Variants in HMMR observed in about 807,000 individuals in gnomAD.
HMMR encodes the protein intracellular hyaluronic acid-binding protein.
Under a neutral mutation model 101.0 loss-of-function variants are expected in HMMR, and 108 were observed. The ratio of observed to expected loss-of-function variants is 1.07; its 90% CI spans 0.92 to 1.25. HMMR has a LOEUF of 1.25. Ranked by LOEUF, HMMR falls within the 50% of genes most tolerant of loss-of-function variation. The probability of loss-of-function intolerance (pLI) is 0.00; values close to 1 mark genes in which losing one functional copy is unlikely to be tolerated. For synonymous variants in HMMR, 296 were observed against 276.4 expected (o/e 1.07, Z -0.70); for missense variants, 813 against 788.7 (o/e 1.03, Z -0.37).
At chr5:163,490,625 C>A in intron 17 of HMMR, 73 bp downstream of exon 17, 1 of 1,153,424 alleles carries the variant, frequency 8.7e-7, no homozygotes, top group Non-Finnish European at 1.3e-6. Context: ...GCAAGTCATC[C>A]ATTTTATGAA....
chr5:163,490,855 A>G, intron 17 of HMMR, among the ~76,000 whole-genome samples: 1 of 152,210 alleles, frequency 6.6e-6, no homozygotes, highest in East Asian at 1.9e-4. Context: ...TTAGCATTTT[A>G]ACCTAAATGT....
At chr5:163,464,337 C>T (rs975548662) in intron 2 of HMMR, among the ~76,000 whole-genome samples, 1 of 152,042 alleles carries the variant, frequency 6.6e-6, no homozygotes, top group Non-Finnish European at 1.5e-5. Context: ...AATTTGGGGC[C>T]GGGCAAGGTG....
intron 11 of HMMR, among the ~76,000 whole-genome samples, chr5:163,476,244 G>A (rs542875640): frequency 9.9e-5 from 15 of 152,150 alleles, no homozygotes; most frequent in South Asian, 6.2e-4. Flanking sequence ...TTAAGCCCAC[G>A]AGATTAAGGC....
rs147532605 is a variant in HMMR at position 163,489,977 on chromosome 5, T to C, written c.1963-413T>C. Among the ~76,000 whole-genome samples, 838 of 152,324 alleles carry C rather than the reference T, an allele frequency of 5.5e-3. 4 individuals carry two copies. The highest frequency in any genetic ancestry group is 0.01 in the Middle Eastern group (3 of 294). Reference sequence around the variant, plus strand: ...CTCTTTTTCACCAAATTTTTGCAGATTTTCTTGAATAGATGTTTCTTCATT... The same window carrying C: ...CTCTTTTTCACCAAATTTTTGCAGACTTTCTTGAATAGATGTTTCTTCATT... On this transcript the variant is annotated intron_variant, in intron 16 of 17. Coordinates refer to ENST00000393915, the MANE Select transcript of HMMR (RefSeq NM_001142556.2).
chr5:163,491,056 T>C lies in HMMR; in HGVS notation c.2126-56T>C, dbSNP rs1450695175. ...AAGGCCTGTTTTTAGTTTATAATGATGGATAAATTCGTTTTAATCTAGATT... is the reference window on the plus strand; with the variant it reads ...AAGGCCTGTTTTTAGTTTATAATGACGGATAAATTCGTTTTAATCTAGATT... On this transcript the variant is annotated intron_variant, in intron 17 of 17. Coordinates refer to ENST00000393915, the MANE Select transcript of HMMR (RefSeq NM_001142556.2). The C allele has an allele frequency of 5.2e-6, 5 of 967,634 alleles. No homozygotes were observed. In the African/African-American group the frequency reaches 6.8e-5, roughly 13 times the overall value. The allele number at this position is 967,634 out of a possible 1,614,324, so 59.9% of individuals were successfully genotyped here.
intron 4 of HMMR, among the ~76,000 whole-genome samples, chr5:163,469,433 G>A (rs1020654104): frequency 6.6e-6 from 1 of 151,244 alleles, no homozygotes; most frequent in African/African-American, 2.4e-5. Flanking sequence ...GGCAACTAAA[G>A]TTCTTATGTT....
chr5:163,473,632 A>G (rs2113479315), intron 9 of HMMR, 75 bp downstream of exon 9: 1 of 853,958 alleles, frequency 1.2e-6, no homozygotes, highest in Non-Finnish European at 1.8e-6. Flanking sequence ...CTACTATGCT[A>G]AAACAACCTT....
intron 16 of HMMR, 128 bp downstream of exon 16, chr5:163,484,373 G>A: frequency 1.8e-6 from 1 of 549,904 alleles, no homozygotes; most frequent in Non-Finnish European, 3.2e-6. Context: ...AAATTGAGCT[G>A]TGATTTAGTG....
intron 1 of HMMR, 110 bp from the exon 2 acceptor site, chr5:163,463,746 G>T: frequency 4.4e-6 from 2 of 454,784 alleles, no homozygotes; most frequent in South Asian, 1.4e-4. Context: ...TTTAAAAAAA[G>T]CAGTTTGTTA....
At chr5:163,477,114 C>G (rs1276895130) in intron 11 of HMMR, among the ~76,000 whole-genome samples, 3 of 152,194 alleles carry the variant, frequency 2.0e-5, no homozygotes, top group Non-Finnish European at 4.4e-5. Context: ...TTCCTTCTCC[C>G]ATACACTTAT....
At position 163,464,751 on chromosome 5, in the gene HMMR, A is replaced by G. The variant is rs1331182055; in HGVS notation, c.174A>G (p.Lys58=). The stretch of plus-strand genomic sequence containing the variant: ...CTAAACAAAATCTTAATGTTGACAA[A>G]GATACTACCTTGCCTGCTTCAGCTA... ...KESKQNLNVD[K]DTTLPASARK... Residue 58 remains lysine (K), a synonymous_variant, in exon 3 of 18, where the codon AAA becomes AAG. Transcript: ENST00000393915. The G allele has an allele frequency of 5.0e-6, 8 of 1,612,786 alleles. No individual in the cohort carries two copies. The highest frequency in any genetic ancestry group is 2.7e-5 in the African/African-American group (2 of 74,910).
At position 163,471,449 on chromosome 5, in the gene HMMR, A is replaced by G. The variant is rs1319021409; in HGVS notation, c.636A>G (p.Gln212=). 6.2e-7 allele frequency: 1 copy of G among 1,610,544 alleles called. No individual in the cohort carries two copies. The highest frequency in any genetic ancestry group is 8.5e-7 in the Non-Finnish European group (1 of 1,176,854). ...SLEESQGKIA[Q]LEGKLVSIEK... is the part of the protein sequence containing the mutation. ...AAGAGTCTCAAGGGAAAATAGCCCA[A>G]CTGGAGGGAAAACTGTAAGTGAGTG... Residue 212 remains glutamine, a synonymous_variant, in exon 7 of 18, where the codon CAA becomes CAG. Transcript: ENST00000393915.
At chr5:163,471,587 A>G (rs1033046035) in intron 7 of HMMR, 124 bp downstream of exon 7, 1 of 624,334 alleles carries the variant, frequency 1.6e-6, no homozygotes. Context: ...GCCTCCCTCC[A>G]GTTGCCCTAT....
At chr5:163,472,903 A>G (rs184768169) in intron 7 of HMMR, among the ~76,000 whole-genome samples, 9 of 152,266 alleles carry the variant, frequency 5.9e-5, no homozygotes, top group Admixed American at 4.6e-4. Flanking sequence ...CACAAAAAGA[A>G]TATTATTTCT....
chr5:163,484,072 C>T lies in HMMR; in HGVS notation c.1789C>T (p.Gln597Ter). ...TTATTTAAAAAATCTTTTTCAGCTA[C>T]AACTAGATGCTTTTGAAGTAGAAAA... ...LYNKTKPFQLQLDAFEVEKQA... is the reference protein window; with the variant it reads ...LYNKTKPFQL Residue 597 changes from glutamine (Q) to a stop codon, truncating the protein, a stop_gained, in exon 16 of 18, where the codon CAA becomes TAA. Coordinates refer to ENST00000393915, the MANE Select transcript of HMMR (RefSeq NM_001142556.2). LOFTEE classifies it high-confidence loss of function. The T allele has an allele frequency of 6.3e-7, 1 of 1,577,022 alleles. No homozygotes were observed.
intron 3 of HMMR, among the ~76,000 whole-genome samples, chr5:163,465,986 G>A (rs1242122331): frequency 2.0e-5 from 3 of 149,686 alleles, no homozygotes; most frequent in Non-Finnish European, 3.0e-5. Flanking sequence ...AAAGACAGCC[G>A]GGCACAGTAG....
intron 3 of HMMR, among the ~76,000 whole-genome samples, chr5:163,465,829 C>A (rs1581187664): frequency 1.3e-5 from 2 of 151,920 alleles, no homozygotes; most frequent in Non-Finnish European, 2.9e-5. Flanking sequence ...GACGTGGTGG[C>A]ACGTGCCTGT....
In HMMR at chr5:163,490,516, A is replaced by T; in HGVS notation, c.2089A>T (p.Lys697Ter). Residue 697 changes from lysine (K) to a stop codon, truncating the protein, a stop_gained, in exon 17 of 18, where the codon AAA becomes TAA. Transcript: ENST00000393915. LOFTEE classifies it high-confidence loss of function. ...TTCAAAGGCTTTTCATCATGAAAGT[A>T]AAGAAAATTTTGCCCTGAAGACCCC... ...DPSKAFHHES[K>*]ENFALKTPLK... 1.2e-6 allele frequency: 2 copies of T among 1,603,524 alleles called. No individual in the cohort carries two copies. The highest frequency in any genetic ancestry group is 1.7e-6 in the Non-Finnish European group (2 of 1,176,940).
At chr5:163,472,261 T>C (rs1298863410) in intron 7 of HMMR, among the ~76,000 whole-genome samples, 1 of 152,092 alleles carries the variant, frequency 6.6e-6, no homozygotes, top group Non-Finnish European at 1.5e-5. Flanking sequence ...TTTTTCAAGA[T>C]TCATCCAAAC....
Sources: allele counts gnomAD v4.1 joint callset (sites outside exome capture counted in the v4.1 genomes callset), GRCh38; gene constraint gnomAD v4.1.1; transcripts MANE v1.5; gene names NCBI Gene and HGNC (gene_info 2026-07-23, HGNC 2026-07-21).